The following CDH4 variants were observed in gnomAD, a reference collection of about 807,000 sequenced individuals.
CDH4 encodes the protein cadherin 4, also known as cadherin-4.
CDH4 carries 33 observed loss-of-function variants against 86.0 expected under a neutral mutation model. The observed-to-expected ratio is 0.38, with a 90% confidence interval of 0.29 to 0.51. The LOEUF (loss-of-function observed/expected upper bound fraction) is 0.51, where lower values mean the gene tolerates loss of function less well. CDH4 is among the 20% of genes least tolerant of loss of function. The probability of loss-of-function intolerance (pLI) is 0.86; values close to 1 mark genes in which losing one functional copy is unlikely to be tolerated. For missense variants in CDH4, 1,114 were observed against 1,307.4 expected (o/e 0.85, Z 2.28); for synonymous variants, 555 against 549.4 (o/e 1.01, Z -0.14).
At chr20:61,677,097 C>T (rs1302453021) in intron 2 of CDH4, among the ~76,000 whole-genome samples, 2 of 152,178 alleles carry the variant, frequency 1.3e-5, no homozygotes, top group African/African-American at 4.8e-5. Context: ...TTTTACTCCG[C>T]ATGCGGTAGG....
At chr20:61,685,601 C>G (rs1414292409) in intron 2 of CDH4, among the ~76,000 whole-genome samples, 2 of 152,208 alleles carry the variant, frequency 1.3e-5, no homozygotes, top group Non-Finnish European at 2.9e-5. Context: ...TCCTAGTGAC[C>G]ACCACCTTAT....
intron 2 of CDH4, among the ~76,000 whole-genome samples, chr20:61,715,461 G>A (rs1000886000): frequency 3.3e-5 from 5 of 152,092 alleles, no homozygotes; most frequent in Non-Finnish European, 5.9e-5. Flanking sequence ...ATGAGGGAAG[G>A]CATCACATGG....
chr20:61,770,500 G>A (rs142394915), intron 3 of CDH4, among the ~76,000 whole-genome samples: 1,717 of 152,372 alleles, frequency 0.011, 21 homozygotes, highest in Non-Finnish European at 0.017. Flanking sequence ...CACTGGCCCC[G>A]ATGTGGCAGA....
intron 2 of CDH4, among the ~76,000 whole-genome samples, chr20:61,337,691 A>G (rs6129104): frequency 0.8 from 121,900 of 151,872 alleles, 49,601 homozygotes; most frequent in African/African-American, 0.95. Context: ...CTGAATTGTC[A>G]TCCCTGCTTG....
In CDH4 at chr20:61,934,303, T is replaced by G. The variant is rs1022679087; in HGVS notation, c.2544+83T>G. ...TCTGGTAACACACACAGAAGCCATC[T>G]CCACAGTGCCGGCGGCTGCCGTGGG... On this transcript the variant is annotated intron_variant, in intron 15 of 15. Coordinates refer to ENST00000614565, the MANE Select transcript of CDH4 (RefSeq NM_001794.5). The G allele has an allele frequency of 2.5e-5, 36 of 1,418,002 alleles. No individual in the cohort carries two copies. The Admixed American group carries it at 9.1e-4, about 36-fold the overall frequency. 87.8% of individuals were successfully genotyped at this position (1,418,002 alleles called of 1,614,324 possible).
chr20:61,925,828 G>A (rs1251740840), intron 11 of CDH4, among the ~76,000 whole-genome samples: 2 of 152,172 alleles, frequency 1.3e-5, no homozygotes, highest in Non-Finnish European at 2.9e-5. Context: ...GCCATGTTCT[G>A]GCAAACAGAA....
chr20:61,329,512 T>C (rs73915282), intron 2 of CDH4, among the ~76,000 whole-genome samples: 30,185 of 142,978 alleles, frequency 0.21, 3,584 homozygotes, highest in African/African-American at 0.31. Flanking sequence ...CTGTATTTTA[T>C]AATAAGAGAG....
In CDH4 at chr20:61,268,869, C is replaced by G. The variant is rs1297395504; in HGVS notation, c.169+13932C>G. Among the ~76,000 whole-genome samples, 9 of 152,328 alleles carry G rather than the reference C, an allele frequency of 5.9e-5. No homozygotes were observed. In the East Asian group the frequency reaches 1.7e-3, roughly 29 times the overall value. ...ATAAACCTCTTTTCTGTGTCACTTA[C>G]TCAGCCTCAGGTGTTCCTTTATAGC... On this transcript the variant is annotated intron_variant, in intron 2 of 15. Transcript: ENST00000614565.
intron 2 of CDH4, among the ~76,000 whole-genome samples, chr20:61,399,560 C>A (rs2085038473): frequency 6.6e-6 from 1 of 152,192 alleles, no homozygotes; most frequent in Non-Finnish European, 1.5e-5. Context: ...CCTGGCTCAG[C>A]CTTTGCACCC....
chr20:61,882,604 C>A lies in CDH4; in HGVS notation c.1050+8704C>A, dbSNP rs188450265. Among the ~76,000 whole-genome samples the A allele has an allele frequency of 3.5e-3, 534 of 152,310 alleles. 1 individual carries two copies. The highest frequency in any genetic ancestry group is 0.012 in the African/African-American group (505 of 41,572). ...GCCCGGGGGGTGCAGCCCCTCCCTC[C>A]CGGGGTTCCGACGCCAGGCCCAGGA... On this transcript the variant is annotated intron_variant, in intron 7 of 15. Coordinates refer to ENST00000614565, the MANE Select transcript of CDH4 (RefSeq NM_001794.5).
intron 2 of CDH4, among the ~76,000 whole-genome samples, chr20:61,597,032 G>A (rs1228984969): frequency 6.6e-6 from 1 of 152,192 alleles, no homozygotes; most frequent in Non-Finnish European, 1.5e-5. Flanking sequence ...GCCTTCAGTG[G>A]GCCTGATAAA....
At position 61,422,456 on chromosome 20, in the gene CDH4, AAAAAAAAAAAACC is replaced by A. The variant is rs1568838422; in HGVS notation, c.169+167523_169+167535del. Among the ~76,000 whole-genome samples the A allele has an allele frequency of 1.5e-3, 98 of 65,530 alleles. 3 individuals carry two copies. The highest frequency in any genetic ancestry group is 4.3e-3 in the African/African-American group (67 of 15,410). The allele number at this position is 65,530 out of a possible 152,430, so 43.0% of individuals were successfully genotyped here. A position where few individuals can be genotyped will look rare whatever the true frequency, so the allele number is the denominator to read the frequency against. Reference sequence around the variant, plus strand: ...AAAAAAAAAAAAAAAAAAAAAAAAAAAAAAAAAAAAACCAAATCTCCCCAAGTGTCTTCTTTAA... The same window carrying A: ...AAAAAAAAAAAAAAAAAAAAAAAAAAAAATCTCCCCAAGTGTCTTCTTTAA... On this transcript the variant is annotated intron_variant, in intron 2 of 15. Coordinates refer to ENST00000614565, the MANE Select transcript of CDH4 (RefSeq NM_001794.5).
intron 14 of CDH4, 130 bp downstream of exon 14, chr20:61,933,254 A>AGG: frequency 8.4e-7 from 1 of 1,196,302 alleles, no homozygotes; most frequent in Non-Finnish European, 1.2e-6. Flanking sequence ...GGTGCCAGGC[A>AGG]GGGGCGCACG....
chr20:61,561,405 G>T (rs1011280971), intron 2 of CDH4, among the ~76,000 whole-genome samples: 1 of 152,254 alleles, frequency 6.6e-6, no homozygotes, highest in Admixed American at 6.5e-5. Context: ...GTGGGTGATT[G>T]CTCCCAGCCA....
At chr20:61,888,364 G>A (rs979332651) in intron 7 of CDH4, among the ~76,000 whole-genome samples, 6 of 152,306 alleles carry the variant, frequency 3.9e-5, no homozygotes, top group African/African-American at 1.2e-4. Flanking sequence ...CAACCTTCAG[G>A]CTCCGTCCAG....
At chr20:61,434,682 T>C (rs1464963219) in intron 2 of CDH4, 1 of 152,148 alleles carries the variant, frequency 6.6e-6, no homozygotes, top group Non-Finnish European at 1.5e-5. Flanking sequence ...GATGCTTCAC[T>C]TCCAGGCCTC....
At chr20:61,760,869 G>A (rs891353934) in intron 3 of CDH4, among the ~76,000 whole-genome samples, 3 of 152,190 alleles carry the variant, frequency 2.0e-5, no homozygotes, top group African/African-American at 7.2e-5. Context: ...TCCACTAAGT[G>A]CCTTTTCGGA....
chr20:61,274,736 GGGA>G (rs2084216421), intron 2 of CDH4, among the ~76,000 whole-genome samples: 4 of 143,738 alleles, frequency 2.8e-5, no homozygotes, highest in African/African-American at 1.0e-4. Flanking sequence ...TGTTGTTTGG[GGGA>G]GTACTGTGTG....
chr20:61,440,416 A>G (rs778996351), intron 2 of CDH4, among the ~76,000 whole-genome samples: 7 of 152,240 alleles, frequency 4.6e-5, no homozygotes, highest in African/African-American at 7.2e-5. Context: ...AGCCGCAACA[A>G]GTCAAGTAGG....
Sources: gnomAD v4.1 joint callset for allele counts (sites outside exome capture counted in the v4.1 genomes callset) on GRCh38, gnomAD v4.1.1 for gene constraint, MANE v1.5 for transcripts, NCBI Gene and HGNC (gene_info 2026-07-23, HGNC 2026-07-21) for gene names.